The following COX7B2 variants were observed in gnomAD, a reference collection of about 807,000 sequenced individuals.
COX7B2 encodes the protein cytochrome c oxidase subunit 7B2, mitochondrial.
For missense variants in COX7B2, 109 were observed against 95.9 expected (o/e 1.14, Z -0.57); for synonymous variants, 37 against 32.1 (o/e 1.15, Z -0.51).
intron 2 of COX7B2, among the ~76,000 whole-genome samples, chr4:46,787,056 G>A (rs1341510122): frequency 1.3e-5 from 2 of 152,196 alleles, no homozygotes; most frequent in African/African-American, 2.4e-5. Context: ...AATTCTCCTT[G>A]TGTGATCTTA....
intron 1 of COX7B2, among the ~76,000 whole-genome samples, chr4:46,886,236 A>G (rs1719075116): frequency 6.6e-6 from 1 of 152,186 alleles, no homozygotes; most frequent in South Asian, 2.1e-4. Flanking sequence ...AAATGTAGAA[A>G]ACTATGGAGA....
At chr4:46,897,235 C>G (rs1310520018) in intron 1 of COX7B2, among the ~76,000 whole-genome samples, 1 of 152,106 alleles carries the variant, frequency 6.6e-6, no homozygotes, top group African/African-American at 2.4e-5. Context: ...CATGAACTGC[C>G]AGCTCTTGTA....
intron 2 of COX7B2, among the ~76,000 whole-genome samples, chr4:46,764,135 C>A (rs900724436): frequency 6.6e-6 from 1 of 152,182 alleles, no homozygotes; most frequent in African/African-American, 2.4e-5. Flanking sequence ...GATTCTTTAG[C>A]ATAGTTGCTT....
intron 2 of COX7B2, among the ~76,000 whole-genome samples, chr4:46,838,570 T>C (rs1715693533): frequency 6.6e-6 from 1 of 152,072 alleles, no homozygotes; most frequent in Non-Finnish European, 1.5e-5. Flanking sequence ...CCATTAACCC[T>C]GGGTAGAGTA....
intron 2 of COX7B2, among the ~76,000 whole-genome samples, chr4:46,804,745 C>G (rs1718896983): frequency 6.6e-6 from 1 of 152,256 alleles, no homozygotes; most frequent in African/African-American, 2.4e-5. Flanking sequence ...CCCCACCAGA[C>G]TCAGGAGCCC....
chr4:46,765,469 T>A (rs1166106193), intron 2 of COX7B2, among the ~76,000 whole-genome samples: 1 of 152,078 alleles, frequency 6.6e-6, no homozygotes, highest in African/African-American at 2.4e-5. Context: ...AGCCCGAAGA[T>A]CCAAGCCAGT....
At chr4:46,776,900 G>A (rs915129085) in intron 2 of COX7B2, among the ~76,000 whole-genome samples, 1 of 152,078 alleles carries the variant, frequency 6.6e-6, no homozygotes, top group African/African-American at 2.4e-5. Context: ...AATGGTACAG[G>A]CTGTCCTCCT....
At chr4:46,752,257 C>T (rs1010020593) in intron 2 of COX7B2, among the ~76,000 whole-genome samples, 1 of 151,548 alleles carries the variant, frequency 6.6e-6, no homozygotes, top group Non-Finnish European at 1.5e-5. Context: ...GTGATTTTTG[C>T]ACATTGATTT....
intron 2 of COX7B2, 130 bp from the exon 3 acceptor site, chr4:46,735,371 T>G (rs1310866279): frequency 1.5e-6 from 1 of 663,274 alleles, no homozygotes; most frequent in South Asian, 2.1e-5. Context: ...ATATCTGAAT[T>G]TGAATCCCAG....
intron 1 of COX7B2, among the ~76,000 whole-genome samples, chr4:46,889,892 C>A: frequency 6.9e-6 from 1 of 145,490 alleles, no homozygotes; most frequent in Non-Finnish European, 1.5e-5. Context: ...TTCTGCATTT[C>A]AGTATGGTTT....
At chr4:46,787,007 GAACA>G (rs1560380370) in intron 2 of COX7B2, among the ~76,000 whole-genome samples, 1 of 152,198 alleles carries the variant, frequency 6.6e-6, no homozygotes, top group Non-Finnish European at 1.5e-5. Context: ...ATGACAGAGA[GAACA>G]GTCAGTAGCT....
At chr4:46,891,578 G>A (rs929366634) in intron 1 of COX7B2, among the ~76,000 whole-genome samples, 2 of 152,156 alleles carry the variant, frequency 1.3e-5, no homozygotes, top group African/African-American at 2.4e-5. Flanking sequence ...TGATCTCAGA[G>A]CCCTGGTGGA....
intron 2 of COX7B2, among the ~76,000 whole-genome samples, chr4:46,796,274 G>T (rs1036191549): frequency 7.0e-6 from 1 of 143,158 alleles, no homozygotes; most frequent in African/African-American, 2.6e-5. Context: ...TCCCTGTCTT[G>T]TGCCGGTTTT....
chr4:46,822,939 G>T (rs1363338143), intron 2 of COX7B2, among the ~76,000 whole-genome samples: 1 of 152,084 alleles, frequency 6.6e-6, no homozygotes, highest in African/African-American at 2.4e-5. Flanking sequence ...TAAGCCCATT[G>T]GAGAACTGAG....
chr4:46,882,224 A>G (rs371825163), intron 1 of COX7B2, among the ~76,000 whole-genome samples: 4 of 152,122 alleles, frequency 2.6e-5, no homozygotes, highest in African/African-American at 9.7e-5. Context: ...TATGTGGTCA[A>G]TTTTAGAGTA....
chr4:46,839,353 A>G (rs913365135), intron 2 of COX7B2, among the ~76,000 whole-genome samples: 10 of 151,930 alleles, frequency 6.6e-5, no homozygotes, highest in African/African-American at 1.7e-4. Context: ...CCTCTTGTCA[A>G]TAGCATCCTT....
chr4:46,773,775 T>G (rs759430405), intron 2 of COX7B2, among the ~76,000 whole-genome samples: 1 of 152,140 alleles, frequency 6.6e-6, no homozygotes, highest in South Asian at 2.1e-4. Flanking sequence ...TTAATAGACT[T>G]AATTTCTAAA....
intron 2 of COX7B2, among the ~76,000 whole-genome samples, chr4:46,835,005 T>G (rs1715409933): frequency 6.6e-6 from 1 of 152,144 alleles, no homozygotes; most frequent in Non-Finnish European, 1.5e-5. Flanking sequence ...AATGGAAATA[T>G]GAGTAATTCT....
intron 1 of COX7B2, among the ~76,000 whole-genome samples, chr4:46,845,992 G>A (rs1450357896): frequency 6.6e-6 from 1 of 152,016 alleles, no homozygotes; most frequent in African/African-American, 2.4e-5. Flanking sequence ...ACCCCCATTA[G>A]GGCTGGAATG....
Sources: gnomAD v4.1 joint callset for allele counts (sites outside exome capture counted in the v4.1 genomes callset) on GRCh38, gnomAD v4.1.1 for gene constraint, MANE v1.5 for transcripts, NCBI Gene and HGNC (gene_info 2026-07-23, HGNC 2026-07-21) for gene names.